Variants in MIX23 observed in about 807,000 individuals in gnomAD.
The protein encoded by MIX23 is protein MIX23.
A neutral mutation model predicts 21.6 loss-of-function variants in MIX23; 13 were observed. The ratio of observed to expected loss-of-function variants is 0.60; its 90% CI spans 0.39 to 0.96. The LOEUF (loss-of-function observed/expected upper bound fraction) is 0.96. Among genes scored for constraint, MIX23 ranks in the 40% least tolerant of loss-of-function variants. The pLI is 0.00. For missense variants in MIX23, 144 were observed against 171.2 expected, an observed-to-expected ratio of 0.84 and a Z score of 0.89; for synonymous variants, 59 against 58.0, an observed-to-expected ratio of 1.02 and a Z score of -0.08.
intron 1 of MIX23, among the ~76,000 whole-genome samples, chr3:122,379,403 AC>A (rs1171983731): frequency 6.6e-6 from 1 of 152,222 alleles, no homozygotes; most frequent in African/African-American, 2.4e-5. Flanking sequence ...CACCAGGCTC[AC>A]ATTTCTTCAC....
rs180693114 is a variant in MIX23 at position 122,383,032 on chromosome 3, C to T, written c.51+142G>A. On this transcript the variant is annotated intron_variant, in intron 1 of 4. Coordinates refer to ENST00000291458, the MANE Select transcript of MIX23 (RefSeq NM_001017928.4). Reference sequence around the variant, plus strand: ...GCTCCCTAAGGCCAAACCCGCGCCCCCCATGACCTCCAATGGCTCGAGAAA... The same window carrying T: ...GCTCCCTAAGGCCAAACCCGCGCCCTCCATGACCTCCAATGGCTCGAGAAA... 1.3e-5 allele frequency: 14 copies of T among 1,109,282 alleles called. No homozygotes were observed. The Admixed American group carries it at 1.6e-4, about 12-fold the overall frequency. 68.7% of individuals were successfully genotyped at this position (1,109,282 alleles called of 1,614,324 possible).
At chr3:122,375,378 T>C (rs928637648) in intron 1 of MIX23, among the ~76,000 whole-genome samples, 11 of 152,210 alleles carry the variant, frequency 7.2e-5, no homozygotes, top group African/African-American at 2.7e-4. Flanking sequence ...TCAAGAGTTG[T>C]ATTCTGACTC....
chr3:122,365,245 C>T (rs565440446), intron 3 of MIX23: 1 of 152,178 alleles, frequency 6.6e-6, no homozygotes, highest in Non-Finnish European at 1.5e-5. Context: ...AATATACTCA[C>T]TAAAGTATCT....
chr3:122,360,027 T>A, intron 4 of MIX23, 108 bp from the exon 5 acceptor site: 1 of 1,084,420 alleles, frequency 9.2e-7, no homozygotes, highest in Non-Finnish European at 1.4e-6. Flanking sequence ...ATTTTTGTCC[T>A]AAGTCAACAG....
intron 3 of MIX23, 47 bp from the exon 4 acceptor site, chr3:122,363,074 A>T: frequency 6.7e-7 from 1 of 1,497,036 alleles, no homozygotes. Context: ...AAGAGCAAGA[A>T]AAAAAACTGA....
intron 4 of MIX23, 117 bp from the exon 5 acceptor site, chr3:122,360,036 A>T: frequency 8.0e-6 from 8 of 1,006,138 alleles, no homozygotes; most frequent in South Asian, 1.5e-5. Flanking sequence ...CTAAGTCAAC[A>T]GATTTAGGAA....
chr3:122,363,566 A>G (rs1471072816), intron 3 of MIX23, among the ~76,000 whole-genome samples: 1 of 151,798 alleles, frequency 6.6e-6, no homozygotes, highest in Non-Finnish European at 1.5e-5. Context: ...GAGATTGATC[A>G]TACAACTACA....
At chr3:122,382,325 C>A (rs2075539628) in intron 1 of MIX23, among the ~76,000 whole-genome samples, 2 of 152,108 alleles carry the variant, frequency 1.3e-5, no homozygotes, top group South Asian at 4.1e-4. Flanking sequence ...ATTACCCGGG[C>A]GTGGTGACAC....
In MIX23 at chr3:122,383,172, A is replaced by T. The variant is rs2075549585; in HGVS notation, c.51+2T>A. The T allele has an allele frequency of 1.3e-5, 21 of 1,613,554 alleles. No individual in the cohort carries two copies. Among genetic ancestry groups the T allele is most frequent in the Non-Finnish European group, 1.8e-5 (21 of 1,180,022 alleles). Reference sequence around the variant, plus strand: ...CCTGCCACATGAGGAAAACCCCATCACCTGGAACTCGGCGAACTCCTCACA... The same window carrying T: ...CCTGCCACATGAGGAAAACCCCATCTCCTGGAACTCGGCGAACTCCTCACA... On this transcript the variant is annotated splice_donor_variant, in intron 1 of 4. Transcript: ENST00000291458. LOFTEE classifies it high-confidence loss of function.
intron 2 of MIX23, among the ~76,000 whole-genome samples, chr3:122,370,480 A>AAAAG (rs2075433022): frequency 6.6e-6 from 1 of 151,396 alleles, no homozygotes; most frequent in South Asian, 2.1e-4. Flanking sequence ...AAAAAAAAAA[A>AAAAG]ACTGAGGCAG....
intron 1 of MIX23, among the ~76,000 whole-genome samples, chr3:122,372,224 C>CAAAAAAAAA (rs55800173): frequency 6.5e-5 from 3 of 46,084 alleles, no homozygotes; most frequent in African/African-American, 9.1e-5. Context: ...CTCCAACTCT[C>CAAAAAAAAA]AAAAAAAAAA....
At chr3:122,382,172 A>G (rs1056232965) in intron 1 of MIX23, among the ~76,000 whole-genome samples, 1 of 152,258 alleles carries the variant, frequency 6.6e-6, no homozygotes, top group Non-Finnish European at 1.5e-5. Context: ...TCTAATTTTT[A>G]TAATGAAAAA....
At chr3:122,379,422 A>G (rs1013737500) in intron 1 of MIX23, among the ~76,000 whole-genome samples, 1 of 152,196 alleles carries the variant, frequency 6.6e-6, no homozygotes, top group East Asian at 1.9e-4. Context: ...CACAGGGAAA[A>G]AAGTGCCAAA....
At chr3:122,366,415 G>A (rs1380413010) in intron 3 of MIX23, 7 of 152,134 alleles carry the variant, frequency 4.6e-5, no homozygotes, top group Admixed American at 1.3e-4. Flanking sequence ...CAGAATTGGC[G>A]GAATGATCGA....
chr3:122,366,286 T>C (rs1334021347), intron 3 of MIX23, among the ~76,000 whole-genome samples: 1 of 152,164 alleles, frequency 6.6e-6, no homozygotes, highest in Non-Finnish European at 1.5e-5. Context: ...AAGGTCACTG[T>C]CCAAGGGATC....
At position 122,371,778 on chromosome 3, in the gene MIX23, G is replaced by A; in HGVS notation, c.74C>T (p.Thr25Ile). The A allele has an allele frequency of 6.2e-7, 1 of 1,602,408 alleles. No individual in the cohort carries two copies. The highest frequency in any genetic ancestry group is 8.5e-7 in the Non-Finnish European group (1 of 1,169,620). ...EFQELLKVMRTIDDRIVHELN... is the reference protein window; with the variant it reads ...EFQELLKVMRIIDDRIVHELN... The stretch of plus-strand genomic sequence containing the variant: ...TTCATGTACTATTCTGTCATCAATT[G>A]TCCTCATCACCTTGAGTAATTCCTA... Residue 25 changes from threonine to isoleucine, a missense_variant, in exon 2 of 5, where the codon ACA becomes ATA. Coordinates refer to ENST00000291458, the MANE Select transcript of MIX23 (RefSeq NM_001017928.4).
At chr3:122,374,218 A>G (rs2075465834) in intron 1 of MIX23, among the ~76,000 whole-genome samples, 2 of 151,532 alleles carry the variant, frequency 1.3e-5, no homozygotes, top group Non-Finnish European at 1.5e-5. Context: ...TGCCTTTTGG[A>G]TAGAGGTTTC....
intron 1 of MIX23, among the ~76,000 whole-genome samples, chr3:122,372,795 T>C (rs1448932321): frequency 6.6e-6 from 1 of 152,098 alleles, no homozygotes; most frequent in African/African-American, 2.4e-5. Flanking sequence ...CACACCACTG[T>C]ACTCCTGCCT....
At position 122,362,898 on chromosome 3, in the gene MIX23, C is replaced by G. The variant is rs547949134; in HGVS notation, c.384+70G>C. 6.3e-6 allele frequency: 8 copies of G among 1,265,950 alleles called. No individual in the cohort carries two copies. The East Asian group carries it at 1.7e-4, about 27-fold the overall frequency. 78.4% of individuals were successfully genotyped at this position (1,265,950 alleles called of 1,614,324 possible). A position where few individuals can be genotyped will look rare whatever the true frequency, so the allele number is the denominator to read the frequency against. ...AGCCTCAAGGCACTCTTTACTCCCCCTCCCTTGGTTTCCCTTTGCTAGTTC... is the reference window on the plus strand; with the variant it reads ...AGCCTCAAGGCACTCTTTACTCCCCGTCCCTTGGTTTCCCTTTGCTAGTTC... On this transcript the variant is annotated intron_variant, in intron 4 of 4. Coordinates refer to ENST00000291458, the MANE Select transcript of MIX23 (RefSeq NM_001017928.4).
Sources: allele counts gnomAD v4.1 joint callset (sites outside exome capture counted in the v4.1 genomes callset), GRCh38; gene constraint gnomAD v4.1.1; transcripts MANE v1.5; gene names NCBI Gene and HGNC (gene_info 2026-07-23, HGNC 2026-07-21).